Variants in CNTN1 observed in about 807,000 individuals in gnomAD.
CNTN1 encodes contactin 1.
A neutral mutation model predicts 126.4 loss-of-function variants in CNTN1; 38 were observed. The observed-to-expected ratio is 0.30, with a 90% CI of 0.23 to 0.39. CNTN1 has a LOEUF of 0.39. Among genes scored for constraint, CNTN1 ranks in the 10% least tolerant of loss-of-function variants. The pLI is 1.00. For synonymous variants in CNTN1, 413 were observed against 422.6 expected, an observed-to-expected ratio of 0.98 and a Z score of 0.28; for missense variants, 1,009 against 1,248.4, an observed-to-expected ratio of 0.81 and a Z score of 2.89.
chr12:41,034,412 C>T (rs1949211160), intron 23 of CNTN1, among the ~76,000 whole-genome samples: 1 of 152,108 alleles, frequency 6.6e-6, no homozygotes, highest in Non-Finnish European at 1.5e-5. Context: ...TTGGGTAGAA[C>T]TTTTATATGT....
intron 1 of CNTN1, among the ~76,000 whole-genome samples, chr12:40,697,949 T>A (rs1196012233): frequency 6.6e-6 from 1 of 152,252 alleles, no homozygotes; most frequent in African/African-American, 2.4e-5. Flanking sequence ...ACTCAGGCAC[T>A]AAATCTGCTT....
intron 23 of CNTN1, among the ~76,000 whole-genome samples, chr12:41,044,171 AT>A (rs1949490142): frequency 6.6e-6 from 1 of 151,948 alleles, no homozygotes; most frequent in African/African-American, 2.4e-5. Flanking sequence ...AAATAAAAAA[AT>A]AAAATAAAAA....
chr12:40,915,734 T>C (rs1360024827), intron 3 of CNTN1, among the ~76,000 whole-genome samples: 1 of 152,116 alleles, frequency 6.6e-6, no homozygotes, highest in Non-Finnish European at 1.5e-5. Flanking sequence ...TAATCCTTTT[T>C]TTTTCTTTGA....
chr12:40,968,080 G>A lies in CNTN1; in HGVS notation c.1804+8846G>A, dbSNP rs575905208. On this transcript the variant is annotated intron_variant, in intron 15 of 23. Coordinates refer to ENST00000551295, the MANE Select transcript of CNTN1 (RefSeq NM_001843.4). ...TGTATTATATTCATTTTACACATGA[G>A]AAAATTGAATCTAATGAGGCTAAGT... is the stretch of plus-strand genomic sequence containing the variant. Among the ~76,000 whole-genome samples, 10 of 151,582 alleles carry A rather than the reference G, an allele frequency of 6.6e-5. No homozygotes were observed. In the Admixed American group the frequency reaches 6.6e-4, roughly 10 times the overall value.
At chr12:41,050,894 A>G (rs886105827) in intron 23 of CNTN1, among the ~76,000 whole-genome samples, 2 of 152,144 alleles carry the variant, frequency 1.3e-5, no homozygotes, top group African/African-American at 2.4e-5. Context: ...AAATTTTAAT[A>G]CCAAAAATCT....
intron 1 of CNTN1, among the ~76,000 whole-genome samples, chr12:40,810,971 C>A (rs1941039091): frequency 6.6e-6 from 1 of 152,108 alleles, no homozygotes; most frequent in South Asian, 2.1e-4. Context: ...GCACTGTACT[C>A]CAGCCTGGGT....
chr12:40,862,699 G>C (rs1316087570), intron 1 of CNTN1, among the ~76,000 whole-genome samples: 4 of 152,110 alleles, frequency 2.6e-5, no homozygotes, highest in African/African-American at 9.6e-5. Context: ...TATTGTCAAT[G>C]TAAAGGTCAT....
chr12:40,945,716 C>A (rs1946412454), intron 14 of CNTN1, among the ~76,000 whole-genome samples: 1 of 149,780 alleles, frequency 6.7e-6, no homozygotes. Flanking sequence ...AGATCCCAGT[C>A]CCCTTTAAAA....
chr12:40,886,646 C>G (rs1398040405), intron 1 of CNTN1, among the ~76,000 whole-genome samples: 1 of 152,156 alleles, frequency 6.6e-6, no homozygotes, highest in Non-Finnish European at 1.5e-5. Flanking sequence ...ATTGCCCATG[C>G]CTATGTCCTG....
chr12:40,714,544 AT>A (rs1439757868), intron 1 of CNTN1, among the ~76,000 whole-genome samples: 5 of 152,140 alleles, frequency 3.3e-5, no homozygotes, highest in Non-Finnish European at 7.4e-5. Context: ...ATTATATATT[AT>A]TTGCTTTAAG....
At chr12:40,800,634 A>G (rs746445086) in intron 1 of CNTN1, among the ~76,000 whole-genome samples, 3 of 152,030 alleles carry the variant, frequency 2.0e-5, no homozygotes, top group African/African-American at 7.2e-5. Flanking sequence ...GACATAGATC[A>G]TACCCTGGAA....
At chr12:41,059,035 T>C (rs2052443503) in intron 23 of CNTN1, among the ~76,000 whole-genome samples, 1 of 118,430 alleles carries the variant, frequency 8.4e-6, no homozygotes, top group Non-Finnish European at 2.1e-5. Context: ...TCCTTTTTGA[T>C]AGATGGATGA....
chr12:41,006,093 T>C (rs1378097662), intron 17 of CNTN1, among the ~76,000 whole-genome samples: 3 of 152,222 alleles, frequency 2.0e-5, no homozygotes. Flanking sequence ...TTGATTTTTT[T>C]TCTCTTTTAT....
At chr12:40,995,906 T>C (rs1948201199) in intron 17 of CNTN1, among the ~76,000 whole-genome samples, 3 of 152,230 alleles carry the variant, frequency 2.0e-5, no homozygotes, top group Non-Finnish European at 1.5e-5. Flanking sequence ...CTTAAGTTAA[T>C]TCCCACAATA....
chr12:40,930,105 A>G, intron 7 of CNTN1, 103 bp downstream of exon 7: 3 of 959,136 alleles, frequency 3.1e-6, no homozygotes, highest in Non-Finnish European at 5.1e-6. Context: ...CTGACTTTTC[A>G]GGAAGGACAA....
intron 1 of CNTN1, among the ~76,000 whole-genome samples, chr12:40,746,231 T>C (rs1398303301): frequency 6.6e-6 from 1 of 152,118 alleles, no homozygotes; most frequent in Non-Finnish European, 1.5e-5. Flanking sequence ...TACTTAACTG[T>C]TAAAACATTT....
intron 23 of CNTN1, among the ~76,000 whole-genome samples, chr12:41,035,895 AG>A (rs377127585): frequency 6.8e-4 from 104 of 152,270 alleles, no homozygotes; most frequent in African/African-American, 2.4e-3. Flanking sequence ...GGCAATACTC[AG>A]ATGTTTGTAA....
At chr12:40,833,723 G>A (rs1218823958) in intron 1 of CNTN1, among the ~76,000 whole-genome samples, 1 of 152,070 alleles carries the variant, frequency 6.6e-6, no homozygotes, top group East Asian at 1.9e-4. Flanking sequence ...ATGTGAATGG[G>A]CAATTAGAAG....
At chr12:40,915,451 A>G (rs1945194728) in intron 3 of CNTN1, among the ~76,000 whole-genome samples, 1 of 152,126 alleles carries the variant, frequency 6.6e-6, no homozygotes. Context: ...CTGTTTCTAC[A>G]TTGGAAGTAC....
Sources: gnomAD v4.1 joint callset for allele counts (sites outside exome capture counted in the v4.1 genomes callset) on GRCh38, gnomAD v4.1.1 for gene constraint, MANE v1.5 for transcripts, NCBI Gene and HGNC (gene_info 2026-07-23, HGNC 2026-07-21) for gene names.